DNAH12: variants seen among roughly 807,000 people sequenced by gnomAD.
DNAH12 encodes the protein dynein axonemal heavy chain 12.
A neutral mutation model predicts 371.5 loss-of-function variants in DNAH12; 285 were observed. The ratio of observed to expected loss-of-function variants is 0.77; its 90% CI spans 0.70 to 0.85. The LOEUF (loss-of-function observed/expected upper bound fraction) is 0.85, where lower values mean the gene tolerates loss of function less well. Ranked by LOEUF, DNAH12 falls within the 40% of genes least tolerant of loss-of-function variation. The pLI is 0.00. For synonymous variants in DNAH12, 1,200 were observed against 1,213.0 expected (o/e 0.99, Z 0.22); for missense variants, 3,611 against 3,689.4 (o/e 0.98, Z 0.55).
chr3:57,542,665 T>C (rs926217166), intron 2 of DNAH12, 36 bp downstream of exon 2: 1 of 1,541,518 alleles, frequency 6.5e-7, no homozygotes, highest in Non-Finnish European at 8.7e-7. Context: ...TTTACTTGAA[T>C]TCCAAGCAAG....
chr3:57,489,524 C>T lies in DNAH12; in HGVS notation c.1499G>A (p.Arg500Lys), dbSNP rs2153385506. 6.6e-7 allele frequency: 1 copy of T among 1,510,116 alleles called. No homozygotes were observed. Among genetic ancestry groups the T allele is most frequent in the East Asian group, 2.5e-5 (1 of 39,232 alleles). 93.5% of individuals were successfully genotyped at this position (1,510,116 alleles called of 1,614,324 possible). A position where few individuals can be genotyped will look rare whatever the true frequency, so the allele number is the denominator to read the frequency against. Residue 500 changes from arginine to lysine, a missense_variant, in exon 12 of 74, where the codon AGA (arginine) becomes AAA (lysine). Transcript: ENST00000495027. ...ILLNDIASKY[R>K]KENECICSEF... ...TTCTACTTACCATTCATTTTCTTTT[C>T]TATATTTTGAAGCTATGTCATTTAA...
chr3:57,307,700 T>G (rs992801440), intron 69 of DNAH12, among the ~76,000 whole-genome samples: 5 of 152,176 alleles, frequency 3.3e-5, no homozygotes, highest in Admixed American at 1.3e-4. Flanking sequence ...TCTCCCACAA[T>G]TACCATTGTT....
At chr3:57,334,987 TTGAA>T in intron 60 of DNAH12, 47 bp from the exon 61 acceptor site, 3 of 1,507,762 alleles carry the variant, frequency 2.0e-6, no homozygotes, top group Non-Finnish European at 2.7e-6. Context: ...GATTTTAAAA[TTGAA>T]TGATGTCAAC....
chr3:57,509,014 CT>C (rs199860905), intron 6 of DNAH12, 125 bp downstream of exon 6: 1,028 of 792,826 alleles, frequency 1.3e-3, no homozygotes, highest in Non-Finnish European at 1.6e-3. Context: ...AACAAGAGTA[CT>C]TTTTTTTTAG....
chr3:57,310,322 C>T (rs2061560053), intron 67 of DNAH12, among the ~76,000 whole-genome samples: 3 of 152,168 alleles, frequency 2.0e-5, no homozygotes, highest in Admixed American at 2.0e-4. Flanking sequence ...ACAACTGCAT[C>T]GTTTGGTTTT....
chr3:57,354,527 G>T (rs2062752604), intron 59 of DNAH12, among the ~76,000 whole-genome samples: 2 of 125,974 alleles, frequency 1.6e-5, no homozygotes, highest in African/African-American at 3.1e-5. Flanking sequence ...TAAACCCTAT[G>T]TCTTGTTTGC....
chr3:57,446,375 A>G, intron 26 of DNAH12, 105 bp from the exon 27 acceptor site: 1 of 1,438,962 alleles, frequency 6.9e-7, no homozygotes, highest in Non-Finnish European at 9.2e-7. Flanking sequence ...TAAATTTAGT[A>G]AAAGTTCCAA....
At position 57,445,237 on chromosome 3, in the gene DNAH12, T is replaced by C; in HGVS notation, c.4362A>G (p.Lys1454=). The stretch of plus-strand genomic sequence containing the variant: ...GATTGCCAGCAGCCACTAAAACGGC[T>C]TTTACTGCTCGCATTCCATAGTCGT... The part of the protein sequence containing the change: ...FHYDYGMRAV[K]AVLVAAGNLK... The change falls in exon 28 of 74, where the codon AAA becomes AAG. Residue 1454 remains lysine, a synonymous_variant. Transcript: ENST00000495027. 1 of 1,551,182 alleles carries C rather than the reference T, an allele frequency of 6.4e-7. No homozygotes were observed. Among genetic ancestry groups the C allele is most frequent in the Non-Finnish European group, 8.7e-7 (1 of 1,146,692 alleles).
chr3:57,502,317 A>ACACAC lies in DNAH12; in HGVS notation c.1243+1_1243+5dup. The ACACAC allele has an allele frequency of 6.2e-7, 1 of 1,613,744 alleles. No homozygotes were observed. On this transcript the variant is annotated splice_donor_region_variant and intron_variant, in intron 10 of 73. Transcript: ENST00000495027. Reference sequence around the variant, plus strand: ...AATGGTATAATATTATGTATGTCATACACACCATATGTCTCATAATGCTTT... The same window carrying ACACAC: ...AATGGTATAATATTATGTATGTCATACACACCACACCATATGTCTCATAATGCTTT...
At chr3:57,432,076 T>C (rs1352039077) in intron 32 of DNAH12, among the ~76,000 whole-genome samples, 1 of 152,102 alleles carries the variant, frequency 6.6e-6, no homozygotes, top group African/African-American at 2.4e-5. Flanking sequence ...CTTCTCTATT[T>C]ACTTTCTACC....
rs1226998673 is a variant in DNAH12, at chr3:57,446,608, C to T, written c.3868G>A (p.Ala1290Thr). The T allele has an allele frequency of 6.4e-7, 1 of 1,550,466 alleles. No homozygotes were observed. Among genetic ancestry groups the T allele is most frequent in the South Asian group, 1.2e-5 (1 of 83,786 alleles). ...ACACACTGTACAGCAAGAGCTTTAG[C>T]CAAGTCCTTGGTGGTTTCGGTTTTT... ...TGKTETTKDL[A>T]KALAVQCVVF... Residue 1290 changes from alanine to threonine, a missense_variant, in exon 26 of 74, where the codon GCT becomes ACT. Coordinates refer to ENST00000495027, the MANE Select transcript of DNAH12 (RefSeq NM_001366028.2).
At chr3:57,310,591 A>AGATTATTAAAAGTTGAG in intron 67 of DNAH12, 126 bp downstream of exon 67, 1 of 709,480 alleles carries the variant, frequency 1.4e-6, no homozygotes, top group African/African-American at 1.8e-5. Context: ...TACTAGAAAA[A>AGATTATTAAAAGTTGAG]GATTATTAAA....
At position 57,368,094 on chromosome 3, in the gene DNAH12, G is replaced by C. The variant is rs1482813207; in HGVS notation, c.8926C>G (p.Leu2976Val). 6.6e-6 allele frequency: 1 copy of C among 152,194 alleles called. No homozygotes were observed. Among genetic ancestry groups the C allele is most frequent in the Non-Finnish European group, 1.5e-5 (1 of 68,034 alleles). The allele number at this position is 152,194 out of a possible 1,614,324, so 9.4% of individuals were successfully genotyped here. The change falls in exon 56 of 74, where the codon CTG (leucine) becomes GTG (valine). Residue 2976 changes from leucine to valine, a missense_variant. Around this residue, in one of 3 missense-constraint regions of DNAH12, gnomAD observed 2,266 missense variants for 2,236.9 expected, o/e 1.01. Coordinates refer to ENST00000495027, the MANE Select transcript of DNAH12 (RefSeq NM_001366028.2). ...PLLLENVGEE[L>V]DPSLEPLLLR... ...AGTAAAGGCTCCAAAGATGGATCCA[G>C]TTCTTCACCAACATTTTCTAATAGA...
At chr3:57,393,049 T>C (rs2063658529) in intron 44 of DNAH12, among the ~76,000 whole-genome samples, 1 of 152,210 alleles carries the variant, frequency 6.6e-6, no homozygotes, top group South Asian at 2.1e-4. Flanking sequence ...TACCATGAAC[T>C]GGTAATGCAC....
In DNAH12 at chr3:57,462,800, C is replaced by G. The variant is rs752610668; in HGVS notation, c.2425G>C (p.Val809Leu). Residue 809 changes from valine (V) to leucine (L), a missense_variant, in exon 18 of 74, where the codon GTA becomes CTA. Physicochemically the swap from Val to Leu is conservative, Grantham distance 32 (BLOSUM62 1). Around this residue, in one of 3 missense-constraint regions of DNAH12, gnomAD observed 1,314 missense variants for 1,398.7 expected, o/e 0.94. Transcript: ENST00000495027. ...ARHWKQISEI[V>L]GYDLTPDSGT... is the part of the protein sequence containing the mutation. The stretch of plus-strand genomic sequence containing the variant: ...GAGTCTGGAGTCAAGTCATAGCCTA[C>G]AATTTCTGATATCTGTTTCCAGTGA... 1.0e-5 allele frequency: 16 copies of G among 1,551,378 alleles called. No individual in the cohort carries two copies. In the South Asian group the frequency reaches 1.7e-4, roughly 16 times the overall value.
intron 11 of DNAH12, among the ~76,000 whole-genome samples, chr3:57,491,693 T>A (rs2067130739): frequency 6.6e-6 from 1 of 151,968 alleles, no homozygotes; most frequent in African/African-American, 2.4e-5. Flanking sequence ...CCCAGCACTT[T>A]GGGAGACTGA....
At chr3:57,358,320 G>A (rs2062845777) in intron 58 of DNAH12, among the ~76,000 whole-genome samples, 1 of 152,148 alleles carries the variant, frequency 6.6e-6, no homozygotes, top group Non-Finnish European at 1.5e-5. Context: ...GTATATAAAG[G>A]AAGAGATACA....
chr3:57,328,572 C>G (rs1307470948), intron 62 of DNAH12, among the ~76,000 whole-genome samples: 2 of 151,962 alleles, frequency 1.3e-5, no homozygotes, highest in South Asian at 2.1e-4. Context: ...AAAATAATAA[C>G]AGCTATCCAT....
In DNAH12 at chr3:57,451,673, A is replaced by G. The variant is rs534148152; in HGVS notation, c.3786+1170T>C. ...CAAAACAAACAAAAAATTCTGTTACAGTGGGTAGCTAGTCAGGTATGAGCA... is the reference window on the plus strand; with the variant it reads ...CAAAACAAACAAAAAATTCTGTTACGGTGGGTAGCTAGTCAGGTATGAGCA... On this transcript the variant is annotated intron_variant, in intron 25 of 73. Coordinates refer to ENST00000495027, the MANE Select transcript of DNAH12 (RefSeq NM_001366028.2). Among the ~76,000 whole-genome samples the G allele has an allele frequency of 2.2e-4, 34 of 152,250 alleles. No individual in the cohort carries two copies. In the South Asian group the frequency reaches 7.0e-3, roughly 32 times the overall value.
Sources: gnomAD v4.1 joint callset for allele counts (sites outside exome capture counted in the v4.1 genomes callset) on GRCh38, gnomAD v4.1.1 for gene constraint, gnomAD v4.1.1 regional missense constraint, MANE v1.5 for transcripts, NCBI Gene and HGNC (gene_info 2026-07-23, HGNC 2026-07-21) for gene names.